Variants in OPHN1 observed in about 807,000 individuals in gnomAD.
OPHN1 encodes the protein oligophrenin 1.
In OPHN1, 11 loss-of-function variants were observed where a neutral mutation model predicts 60.7. That is an observed-to-expected ratio of 0.18 (90% CI 0.11 to 0.30). The LOEUF (loss-of-function observed/expected upper bound fraction) is 0.30. Ranked by LOEUF, OPHN1 falls within the 10% of genes least tolerant of loss-of-function variation. OPHN1 has a pLI of 1.00. For missense variants in OPHN1, 449 were observed against 611.0 expected (o/e 0.73, Z 2.80); for synonymous variants, 226 against 222.6 (o/e 1.02, Z -0.14).
At chrX:68,312,293 A>G (rs1459483871) in intron 2 of OPHN1, among the ~76,000 whole-genome samples, 1 of 67,339 alleles carries the variant, frequency 1.5e-5, no homozygotes, top group African/African-American at 6.3e-5. Context: ...ACGGGTTCCC[A>G]CTATGTTGCC....
intron 19 of OPHN1, among the ~76,000 whole-genome samples, chrX:68,095,037 C>T (rs1315516307): frequency 6.3e-5 from 7 of 111,549 alleles, no homozygotes; most frequent in Non-Finnish European, 1.9e-5. Context: ...AACCACTTTC[C>T]AACCCTTCCT....
At chrX:68,074,701 C>T (rs1302071564) in intron 19 of OPHN1, among the ~76,000 whole-genome samples, 2 of 111,054 alleles carry the variant, frequency 1.8e-5, no homozygotes, top group Admixed American at 9.6e-5. Context: ...TTTTTTTTCT[C>T]TTCAGCATTT....
intron 2 of OPHN1, among the ~76,000 whole-genome samples, chrX:68,307,497 C>T (rs919834927): frequency 9.3e-6 from 1 of 107,623 alleles, no homozygotes; most frequent in South Asian, 4.0e-4. Flanking sequence ...AATGGATATA[C>T]GAAACTCCAT....
chrX:68,214,314 T>C (rs1440544338), intron 6 of OPHN1, among the ~76,000 whole-genome samples: 1 of 112,020 alleles, frequency 8.9e-6, no homozygotes, highest in African/African-American at 3.2e-5. Flanking sequence ...GAGACATGAA[T>C]ACAGAGAATA....
intron 2 of OPHN1, among the ~76,000 whole-genome samples, chrX:68,398,960 A>AGTGT (rs113103699): frequency 0.044 from 4,146 of 95,173 alleles, 77 homozygotes; most frequent in Non-Finnish European, 0.056. Context: ...AAACAAAAAA[A>AGTGT]GTGTGTGTGT....
intron 12 of OPHN1, among the ~76,000 whole-genome samples, chrX:68,195,012 A>AGAG (rs1569239683): frequency 0.011 from 566 of 53,651 alleles, 16 homozygotes; most frequent in African/African-American, 0.063. Flanking sequence ...GAAAGGAAGG[A>AGAG]AGGAAGGAAG....
intron 15 of OPHN1, among the ~76,000 whole-genome samples, chrX:68,175,854 G>A (rs1569233797): frequency 8.9e-6 from 1 of 111,951 alleles, no homozygotes; most frequent in East Asian, 2.8e-4. Flanking sequence ...AAACAATGTG[G>A]TACTGGCATA....
intron 6 of OPHN1, among the ~76,000 whole-genome samples, chrX:68,222,739 G>C (rs1337595616): frequency 1.1e-5 from 1 of 94,907 alleles, no homozygotes; most frequent in South Asian, 5.8e-4. Flanking sequence ...GAGATCACAT[G>C]GACACAGGAA....
intron 2 of OPHN1, among the ~76,000 whole-genome samples, chrX:68,420,665 G>A (rs993055515): frequency 9.0e-6 from 1 of 110,729 alleles, no homozygotes; most frequent in African/African-American, 3.3e-5. Flanking sequence ...CTAGGCAAAG[G>A]CTAACCAGAA....
At chrX:68,183,129 A>G (rs748196976) in intron 15 of OPHN1, among the ~76,000 whole-genome samples, 2 of 112,109 alleles carry the variant, frequency 1.8e-5, no homozygotes, top group African/African-American at 6.5e-5. Flanking sequence ...GTCAATCAAG[A>G]TTAAGAAATT....
At chrX:68,120,102 G>A (rs1033426783) in intron 15 of OPHN1, among the ~76,000 whole-genome samples, 1 of 111,306 alleles carries the variant, frequency 9.0e-6, no homozygotes, top group Non-Finnish European at 1.9e-5. Flanking sequence ...AAGAACTTAA[G>A]TAAGTCACAG....
chrX:68,171,997 C>A (rs1019753117), intron 15 of OPHN1, among the ~76,000 whole-genome samples: 17 of 110,935 alleles, frequency 1.5e-4, no homozygotes, highest in Admixed American at 1.2e-3. Context: ...GAAACAGGAA[C>A]CCTCTCCTCA....
intron 19 of OPHN1, among the ~76,000 whole-genome samples, chrX:68,084,409 G>C (rs1178820626): frequency 1.1e-5 from 1 of 93,347 alleles, no homozygotes; most frequent in Admixed American, 1.2e-4. Flanking sequence ...GAGTGAAAGA[G>C]GGGGACAGGG....
At chrX:68,048,498 C>T in intron 23 of OPHN1, 41 bp from the exon 24 acceptor site, 1 of 1,159,589 alleles carries the variant, frequency 8.6e-7, no homozygotes, top group Admixed American at 2.2e-5. Flanking sequence ...TTCTAGAAAT[C>T]AGGACTGGAA....
chrX:68,316,729 C>T (rs969550106), intron 2 of OPHN1, among the ~76,000 whole-genome samples: 5 of 111,092 alleles, frequency 4.5e-5, no homozygotes, highest in Non-Finnish European at 9.4e-5. Context: ...GTATAAAGAC[C>T]GTTATGAAAA....
chrX:68,112,686 A>G (rs1417188073), intron 17 of OPHN1, among the ~76,000 whole-genome samples: 1 of 112,328 alleles, frequency 8.9e-6, no homozygotes, highest in African/African-American at 3.2e-5. Context: ...GTGATTCTCT[A>G]TGCCTTATTT....
At chrX:68,408,908 C>T (rs112054255) in intron 2 of OPHN1, among the ~76,000 whole-genome samples, 1,972 of 112,457 alleles carry the variant, frequency 0.018, 48 homozygotes, top group African/African-American at 0.059. Context: ...CTGCAGTGAG[C>T]CAAGATCGTG....
In OPHN1 at chrX:68,044,004, G is replaced by A. The variant is rs917838393; in HGVS notation, c.*3168C>T. ...ATGGCAAGCCAAGGACTTAACAACTGCCAACTAAAACACAAATCCTTCACT... is the reference window on the plus strand; with the variant it reads ...ATGGCAAGCCAAGGACTTAACAACTACCAACTAAAACACAAATCCTTCACT... On this transcript the variant is annotated 3_prime_UTR_variant, in exon 25 of 25. Transcript: ENST00000355520. The A allele has an allele frequency of 8.9e-6, 1 of 112,046 alleles. No homozygotes were observed. Among genetic ancestry groups the A allele is most frequent in the Non-Finnish European group, 1.9e-5 (1 of 53,273 alleles). 9.2% of individuals were successfully genotyped at this position (112,046 alleles called of 1,213,427 possible).
intron 2 of OPHN1, among the ~76,000 whole-genome samples, chrX:68,387,525 CTGTT>C (rs1396761369): frequency 9.0e-6 from 1 of 111,505 alleles, no homozygotes; most frequent in Non-Finnish European, 1.9e-5. Context: ...AATACTGTAT[CTGTT>C]TGTTTACTCG....
Sources: allele counts gnomAD v4.1 joint callset (sites outside exome capture counted in the v4.1 genomes callset), GRCh38; gene constraint gnomAD v4.1.1; transcripts MANE v1.5; gene names NCBI Gene and HGNC (gene_info 2026-07-23, HGNC 2026-07-21).